Variants in ADCY3 observed in about 807,000 individuals in gnomAD.
The protein encoded by ADCY3 is adenylate cyclase 3.
ADCY3 carries 70 observed loss-of-function variants against 119.4 expected under a neutral mutation model. The ratio of observed to expected loss-of-function variants is 0.59; its 90% CI spans 0.48 to 0.72. The LOEUF (loss-of-function observed/expected upper bound fraction) is 0.72. Ranked by LOEUF, ADCY3 falls within the 30% of genes least tolerant of loss-of-function variation. The probability of loss-of-function intolerance (pLI) is 0.00; values close to 1 mark genes in which losing one functional copy is unlikely to be tolerated. For missense variants in ADCY3, 1,238 were observed against 1,541.6 expected, an observed-to-expected ratio of 0.80 and a Z score of 3.30; for synonymous variants, 672 against 621.4, an observed-to-expected ratio of 1.08 and a Z score of -1.21.
chr2:24,863,837 C>T (rs1346568103), intron 3 of ADCY3, among the ~76,000 whole-genome samples: 1 of 152,238 alleles, frequency 6.6e-6, no homozygotes, highest in Admixed American at 6.5e-5. Flanking sequence ...GGATGTCACT[C>T]CTGCCTTGAG....
intron 2 of ADCY3, among the ~76,000 whole-genome samples, chr2:24,890,084 T>C (rs1047771721): frequency 6.6e-6 from 1 of 152,206 alleles, no homozygotes; most frequent in South Asian, 2.1e-4. Context: ...AAAATTGAGA[T>C]GATCTTATGG....
At chr2:24,821,313 T>C in intron 20 of ADCY3, 1 of 657,674 alleles carries the variant, frequency 1.5e-6, no homozygotes, top group Non-Finnish European at 2.5e-6. Flanking sequence ...TATAGTCGGA[T>C]CATCACATCA....
At chr2:24,893,492 A>C (rs1039872333) in intron 2 of ADCY3, among the ~76,000 whole-genome samples, 5 of 151,988 alleles carry the variant, frequency 3.3e-5, no homozygotes, top group Admixed American at 2.6e-4. Flanking sequence ...ACTGGGATTG[A>C]AGGCATGAGC....
intron 19 of ADCY3, chr2:24,822,297 TG>T (rs1292747096): frequency 6.7e-6 from 4 of 594,202 alleles, no homozygotes; most frequent in Non-Finnish European, 1.1e-5. Flanking sequence ...AGGCCTGAGC[TG>T]TGAACAGCAG....
chr2:24,894,238 T>G (rs1310622286), intron 2 of ADCY3, among the ~76,000 whole-genome samples: 1 of 152,196 alleles, frequency 6.6e-6, no homozygotes, highest in Non-Finnish European at 1.5e-5. Flanking sequence ...ATCCCAGCCC[T>G]CTGCGAGGCC....
At chr2:24,863,018 G>A (rs77605687) in intron 3 of ADCY3, among the ~76,000 whole-genome samples, 10,475 of 152,196 alleles carry the variant, frequency 0.069, 438 homozygotes, top group East Asian at 0.095. Context: ...AGAGGAAGGT[G>A]TTACATTTAT....
intron 3 of ADCY3, among the ~76,000 whole-genome samples, chr2:24,865,201 T>C (rs1008269074): frequency 6.6e-6 from 1 of 152,112 alleles, no homozygotes; most frequent in Non-Finnish European, 1.5e-5. Flanking sequence ...TCCCAGCATT[T>C]TGGGAGGCCG....
chr2:24,911,754 G>A (rs1663711350), intron 2 of ADCY3, among the ~76,000 whole-genome samples: 1 of 150,844 alleles, frequency 6.6e-6, no homozygotes. Context: ...TCATTATGTT[G>A]CCCAGGCTGG....
intron 15 of ADCY3, among the ~76,000 whole-genome samples, chr2:24,826,887 C>G (rs988866360): frequency 2.6e-5 from 4 of 152,152 alleles, no homozygotes; most frequent in Non-Finnish European, 5.9e-5. Flanking sequence ...CATACTCCCA[C>G]CAGGAGTGTA....
chr2:24,873,075 C>T (rs997264527), intron 2 of ADCY3, among the ~76,000 whole-genome samples: 2 of 152,246 alleles, frequency 1.3e-5, no homozygotes, highest in Non-Finnish European at 1.5e-5. Context: ...CCTGAGCAGA[C>T]CCTCTGCCAC....
chr2:24,888,267 G>A (rs1038637219), intron 2 of ADCY3, among the ~76,000 whole-genome samples: 33 of 152,236 alleles, frequency 2.2e-4, no homozygotes, highest in Admixed American at 2.1e-3. Flanking sequence ...CTGTGTCACT[G>A]TGCACTGGCT....
chr2:24,819,730 T>C lies in ADCY3; in HGVS notation c.*202A>G. ...TGTTCAGCCCTATGCCTAAGACCCC[T>C]ATGCTGGGGACACTACAGGCACACA... is the stretch of plus-strand genomic sequence containing the variant. On this transcript the variant is annotated 3_prime_UTR_variant, in exon 22 of 22. Coordinates refer to ENST00000679454, the MANE Select transcript of ADCY3 (RefSeq NM_004036.5). The C allele has an allele frequency of 1.7e-6, 1 of 589,554 alleles. No homozygotes were observed. The highest frequency in any genetic ancestry group is 2.1e-5 in the South Asian group (1 of 47,346). The allele number at this position is 589,554 out of a possible 1,614,324, so 36.5% of individuals were successfully genotyped here.
rs1312258249 is a variant in ADCY3 at position 24,898,371 on chromosome 2, C to T, written c.675+19942G>A. ...AGGAAGGGAGTGGACCTACTGTCTGCGGGATGGGAGTCGGGACACTGACTG... is the reference window on the plus strand; with the variant it reads ...AGGAAGGGAGTGGACCTACTGTCTGTGGGATGGGAGTCGGGACACTGACTG... On this transcript the variant is annotated intron_variant, in intron 2 of 21. Coordinates refer to ENST00000679454, the MANE Select transcript of ADCY3 (RefSeq NM_004036.5). The surrounding 1 kb of genome is among the most constrained non-coding windows in gnomAD (Gnocchi z 4.3). Among the ~76,000 whole-genome samples, 1 of 151,972 alleles carries T rather than the reference C, an allele frequency of 6.6e-6. No individual in the cohort carries two copies. The highest frequency in any genetic ancestry group is 1.5e-5 in the Non-Finnish European group (1 of 67,996).
At chr2:24,879,154 T>C (rs1170501740) in intron 2 of ADCY3, among the ~76,000 whole-genome samples, 1 of 152,086 alleles carries the variant, frequency 6.6e-6, no homozygotes, top group African/African-American at 2.4e-5. Context: ...ACCCTTGCAG[T>C]AACCCCACAG....
chr2:24,850,711 A>G (rs1672191275), intron 3 of ADCY3, among the ~76,000 whole-genome samples: 1 of 152,228 alleles, frequency 6.6e-6, no homozygotes, highest in South Asian at 2.1e-4. Flanking sequence ...TTGCAACTTG[A>G]CTTAACCCTT....
chr2:24,906,730 G>A (rs1364600230), intron 2 of ADCY3, among the ~76,000 whole-genome samples: 1 of 152,216 alleles, frequency 6.6e-6, no homozygotes, highest in East Asian at 1.9e-4. Flanking sequence ...TGACACACAT[G>A]GTATTACCAC....
In ADCY3 at chr2:24,834,750, C is replaced by A. The variant is rs574358921; in HGVS notation, c.1805+44G>T. ...CAGTTTCCTGAATCCCTTGTCAGGG[C>A]CCGGGAGGAGTGGTGGGCCTGGACG... On this transcript the variant is annotated intron_variant, in intron 10 of 21. Coordinates refer to ENST00000679454, the MANE Select transcript of ADCY3 (RefSeq NM_004036.5). This position sits in a 1 kb window ranked among gnomAD's most constrained non-coding sequence, Gnocchi z 4.2. The A allele has an allele frequency of 6.2e-7, 1 of 1,602,544 alleles. No homozygotes were observed. Among genetic ancestry groups the A allele is most frequent in the South Asian group, 1.1e-5 (1 of 90,802 alleles).
At chr2:24,827,496 T>A in intron 15 of ADCY3, 50 bp downstream of exon 15, 1 of 1,549,950 alleles carries the variant, frequency 6.5e-7, no homozygotes. Context: ...TTCCTGTCTC[T>A]AGAAGAAGGG....
At position 24,824,454 on chromosome 2, in the gene ADCY3, C is replaced by T; in HGVS notation, c.2660G>A (p.Trp887Ter). Residue 887 changes from tryptophan to a stop codon, truncating the protein, a stop_gained, in exon 17 of 22, where the codon TGG becomes TAG. Coordinates refer to ENST00000679454, the MANE Select transcript of ADCY3 (RefSeq NM_004036.5). LOFTEE classifies it high-confidence loss of function. ...QKERVYEMRR[W>*]NEALVTNMLP... ...CATGTTGGTGACCAAGGCCTCGTTC[C>T]AGCGTCGCATCTCATAGACACGTTC... 1 of 1,614,222 alleles carries T rather than the reference C, an allele frequency of 6.2e-7. No individual in the cohort carries two copies. The highest frequency in any genetic ancestry group is 8.5e-7 in the Non-Finnish European group (1 of 1,180,032).
Sources: gnomAD v4.1 joint callset for allele counts (sites outside exome capture counted in the v4.1 genomes callset) on GRCh38, gnomAD v4.1.1 for gene constraint, Gnocchi (gnomAD v3.1) non-coding constraint, MANE v1.5 for transcripts, NCBI Gene and HGNC (gene_info 2026-07-23, HGNC 2026-07-21) for gene names.